The following CIT variants were observed in gnomAD, a reference collection of about 807,000 sequenced individuals.
The protein encoded by CIT is citron Rho-interacting kinase.
CIT carries 79 observed loss-of-function variants against 272.7 expected under a neutral mutation model. The observed-to-expected ratio is 0.29, with a 90% CI of 0.24 to 0.35. CIT has a LOEUF of 0.35. Among genes scored for constraint, CIT ranks in the 10% least tolerant of loss-of-function variants. The pLI, the probability that CIT is intolerant of heterozygous loss-of-function variation, is 1.00. For synonymous variants in CIT, 948 were observed against 995.6 expected (o/e 0.95, Z 0.90); for missense variants, 1,909 against 2,618.3 (o/e 0.73, Z 5.91).
At chr12:119,834,861 A>T (rs939054481) in intron 5 of CIT, among the ~76,000 whole-genome samples, 3 of 152,236 alleles carry the variant, frequency 2.0e-5, no homozygotes, top group Admixed American at 6.5e-5. Flanking sequence ...TCAGCTATCC[A>T]TCAGTTAGAG....
At chr12:119,876,740 G>A (rs1950861058) in intron 1 of CIT, among the ~76,000 whole-genome samples, 1 of 152,110 alleles carries the variant, frequency 6.6e-6, no homozygotes, top group African/African-American at 2.4e-5. Flanking sequence ...GACATCCGTG[G>A]CAAACGAAAC....
intron 10 of CIT, among the ~76,000 whole-genome samples, chr12:119,802,523 C>G (rs762345310): frequency 7.2e-5 from 11 of 152,024 alleles, no homozygotes; most frequent in Non-Finnish European, 8.8e-5. Flanking sequence ...TTTTTTTCCC[C>G]CTATGAAGCC....
rs75684155 is a variant in CIT, at chr12:119,694,989, C to G, written c.5882+2670G>C. 3.9e-3 allele frequency among the ~76,000 whole-genome samples: 587 copies of G among 152,228 alleles called. 2 individuals carry two copies. The highest frequency in any genetic ancestry group is 0.014 in the African/African-American group (562 of 41,542). On this transcript the variant is annotated intron_variant, in intron 46 of 47. Coordinates refer to ENST00000392521, the MANE Select transcript of CIT (RefSeq NM_001206999.2). This position sits in a 1 kb window ranked among gnomAD's most constrained non-coding sequence, Gnocchi z 4.5. ...AACCCTAGCCCTTTGCGCGGCCACT[C>G]TCGAGGCAGGGTCAAACCAAAAGAG... is the stretch of plus-strand genomic sequence containing the variant.
intron 9 of CIT, among the ~76,000 whole-genome samples, chr12:119,808,847 C>T (rs1966748501): frequency 6.6e-6 from 1 of 152,132 alleles, no homozygotes. Context: ...CTTCCAGTTG[C>T]TTAAAATCTA....
At chr12:119,747,352 TGGA>T (rs1277867944) in intron 23 of CIT, among the ~76,000 whole-genome samples, 6 of 147,808 alleles carry the variant, frequency 4.1e-5, no homozygotes, top group African/African-American at 1.5e-4. Flanking sequence ...ACCCAGGAGG[TGGA>T]GGTTGCAGTG....
intron 10 of CIT, among the ~76,000 whole-genome samples, chr12:119,797,030 C>T (rs767458617): frequency 3.3e-5 from 5 of 152,046 alleles, no homozygotes; most frequent in East Asian, 1.9e-4. Context: ...GGAAGTTTGT[C>T]GGAGAGAGGT....
In CIT at chr12:119,877,303, C is replaced by T. The variant is rs1053667563; in HGVS notation, c.-68G>A. 3.3e-5 allele frequency: 5 copies of T among 152,354 alleles called. No homozygotes were observed. The highest frequency in any genetic ancestry group is 1.2e-4 in the African/African-American group (5 of 41,478). 9.4% of individuals were successfully genotyped at this position (152,354 alleles called of 1,614,324 possible). A position where few individuals can be genotyped will look rare whatever the true frequency, so the allele number is the denominator to read the frequency against. On this transcript the variant is annotated 5_prime_UTR_variant, in exon 1 of 48. Transcript: ENST00000392521. ...TTCCGCCCCGCGCCTCCCGCCGCCG[C>T]GTTTGAACCCGAGGAACGGCGCGGG...
At chr12:119,708,695 G>A (rs1302180775) in intron 39 of CIT, among the ~76,000 whole-genome samples, 4 of 151,936 alleles carry the variant, frequency 2.6e-5, no homozygotes, top group South Asian at 2.1e-4. Flanking sequence ...TCGCCATGTT[G>A]GTCAGGCTGG....
chr12:119,842,616 C>A (rs555120191), intron 5 of CIT, among the ~76,000 whole-genome samples: 1 of 151,926 alleles, frequency 6.6e-6, no homozygotes, highest in Non-Finnish European at 1.5e-5. Flanking sequence ...ACAGAGTTTG[C>A]GACAATTTTC....
chr12:119,772,689 G>A, intron 17 of CIT, 81 bp downstream of exon 17: 1 of 1,424,918 alleles, frequency 7.0e-7, no homozygotes, highest in African/African-American at 1.4e-5. Flanking sequence ...ACATAAGCAA[G>A]TGATGGTCTG....
chr12:119,730,021 T>C (rs984763341), intron 27 of CIT, among the ~76,000 whole-genome samples: 1 of 152,184 alleles, frequency 6.6e-6, no homozygotes, highest in Non-Finnish European at 1.5e-5. Context: ...GTATTTCCGA[T>C]GTGAAATACT....
At chr12:119,831,977 A>T (rs944193467) in intron 7 of CIT, among the ~76,000 whole-genome samples, 1 of 152,202 alleles carries the variant, frequency 6.6e-6, no homozygotes, top group Non-Finnish European at 1.5e-5. Context: ...CTAACCTCTT[A>T]AATTATGCAT....
At chr12:119,787,931 G>A (rs1964953825) in intron 10 of CIT, among the ~76,000 whole-genome samples, 1 of 152,134 alleles carries the variant, frequency 6.6e-6, no homozygotes, top group Non-Finnish European at 1.5e-5. Flanking sequence ...CTGGCACACT[G>A]CAAGTGTTCG....
chr12:119,801,894 C>T (rs916011407), intron 10 of CIT, among the ~76,000 whole-genome samples: 6 of 152,188 alleles, frequency 3.9e-5, no homozygotes, highest in African/African-American at 1.4e-4. Context: ...AACCCAGCCC[C>T]CAGAGAGGGG....
In CIT at chr12:119,697,966, C is replaced by A. The variant is rs769416804; in HGVS notation, c.5702+10G>T. On this transcript the variant is annotated intron_variant, in intron 45 of 47. Transcript: ENST00000392521. The surrounding 1 kb of genome is among the most constrained non-coding windows in gnomAD (Gnocchi z 4.9). ...CTGAAGTTTTCCACGCATGGGAGGA[C>A]AATGCTTACCCTGCTGAGGAGCGTG... 4 of 1,613,990 alleles carry A rather than the reference C, an allele frequency of 2.5e-6. No individual in the cohort carries two copies. The African/African-American group carries it at 5.3e-5, about 22-fold the overall frequency.
At chr12:119,763,369 TG>T (rs972820745) in intron 19 of CIT, among the ~76,000 whole-genome samples, 12 of 15,692 alleles carry the variant, frequency 7.6e-4, no homozygotes, top group Admixed American at 7.0e-4. Flanking sequence ...TACAGATGTG[TG>T]CCACCTGCCT....
At chr12:119,779,420 A>G (rs1964086737) in intron 13 of CIT, among the ~76,000 whole-genome samples, 1 of 152,194 alleles carries the variant, frequency 6.6e-6, no homozygotes, top group African/African-American at 2.4e-5. Context: ...ATACAAAAAT[A>G]TTAACATCAT....
Position 119,755,593 on chromosome 12 carries a change from T to C in CIT, c.2706+1778A>G, listed in dbSNP as rs1050569499. On this transcript the variant is annotated intron_variant, in intron 22 of 47. Coordinates refer to ENST00000392521, the MANE Select transcript of CIT (RefSeq NM_001206999.2). Reference sequence around the variant, plus strand: ...CAACAACCACTATCCTGAACTCCAGTTGTGTCTCTGCTGGTGCCAGCGAAC... The same window carrying C: ...CAACAACCACTATCCTGAACTCCAGCTGTGTCTCTGCTGGTGCCAGCGAAC... 5.3e-4 allele frequency among the ~76,000 whole-genome samples: 81 copies of C among 152,328 alleles called. 1 individual carries two copies. Among genetic ancestry groups the C allele is most frequent in the African/African-American group, 1.8e-3 (76 of 41,574 alleles).
chr12:119,725,712 T>C (rs1268474395), intron 28 of CIT, among the ~76,000 whole-genome samples: 2 of 152,228 alleles, frequency 1.3e-5, no homozygotes, highest in African/African-American at 4.8e-5. Context: ...AGGAGGGAAC[T>C]GAATTGGGAT....
Sources: gnomAD v4.1 joint callset for allele counts (sites outside exome capture counted in the v4.1 genomes callset) on GRCh38, gnomAD v4.1.1 for gene constraint, Gnocchi (gnomAD v3.1) non-coding constraint, MANE v1.5 for transcripts, NCBI Gene and HGNC (gene_info 2026-07-23, HGNC 2026-07-21) for gene names.